GBF1: variants seen among roughly 807,000 people sequenced by gnomAD.
The protein encoded by GBF1 is golgi brefeldin A resistant guanine nucleotide exchange factor 1.
GBF1 carries 114 observed loss-of-function variants against 210.5 expected under a neutral mutation model. That is an observed-to-expected ratio of 0.54 (90% CI 0.47 to 0.63). The LOEUF is 0.63. Ranked by LOEUF, GBF1 falls within the 30% of genes least tolerant of loss-of-function variation. The pLI, the probability that GBF1 is intolerant of heterozygous loss-of-function variation, is 0.00. For missense variants in GBF1, 1,851 were observed against 2,357.7 expected, an observed-to-expected ratio of 0.79 and a Z score of 4.45; for synonymous variants, 850 against 889.2, an observed-to-expected ratio of 0.96 and a Z score of 0.78.
the GBF1 span, among the ~76,000 whole-genome samples, chr10:102,235,179 A>AC: frequency 2.5e-4 from 24 of 97,396 alleles, 2 homozygotes; most frequent in Middle Eastern, 4.8e-3. Flanking sequence ...CCCACCCCCC[A>AC]CCCCCCCACC....
At position 102,302,223 on chromosome 10, in the gene GBF1, C is replaced by T. The variant is rs1404791865; in HGVS notation, c.164-41828C>T. 3.3e-5 allele frequency among the ~76,000 whole-genome samples: 5 copies of T among 152,296 alleles called. 1 individual carries two copies. The highest frequency in any genetic ancestry group is 1.3e-4 in the Admixed American group (2 of 15,302). ...GAGCCGAGATGGCGGGAGTACAGTC[C>T]AGCTTCGGCTTGGCATCAGAGGGAG... On this transcript the variant is annotated intron_variant, in intron 3 of 39. Coordinates refer to ENST00000369983, the MANE Select transcript of GBF1 (RefSeq NM_001377137.1).
intron 8 of GBF1, among the ~76,000 whole-genome samples, chr10:102,356,160 TC>T: frequency 6.6e-6 from 1 of 152,286 alleles, no homozygotes; most frequent in East Asian, 1.9e-4. Flanking sequence ...TTGTGTGGTT[TC>T]TAAGCAAGGA....
chr10:102,253,471 T>C (rs1419481306), intron 1 of GBF1, among the ~76,000 whole-genome samples: 1 of 152,208 alleles, frequency 6.6e-6, no homozygotes, highest in Non-Finnish European at 1.5e-5. Context: ...TCATATTAAT[T>C]TAGATACATA....
intron 33 of GBF1, 71 bp downstream of exon 33, chr10:102,377,211 A>G: frequency 7.6e-7 from 1 of 1,310,310 alleles, no homozygotes. Context: ...GGCCAGGGAA[A>G]GCCAGGGCTG....
chr10:102,336,077 A>G (rs2057710279), intron 3 of GBF1, among the ~76,000 whole-genome samples: 1 of 152,050 alleles, frequency 6.6e-6, no homozygotes, highest in Non-Finnish European at 1.5e-5. Flanking sequence ...CGAGGCAGGC[A>G]GATCACAAGG....
At chr10:102,297,747 T>G (rs1209118417) in intron 3 of GBF1, among the ~76,000 whole-genome samples, 1 of 152,196 alleles carries the variant, frequency 6.6e-6, no homozygotes, top group African/African-American at 2.4e-5. Context: ...CCCTTTGAAG[T>G]ATACTCTGTT....
At chr10:102,260,002 T>C in intron 2 of GBF1, 48 bp from the exon 3 acceptor site, 1 of 992,594 alleles carries the variant, frequency 1.0e-6, no homozygotes, top group Non-Finnish European at 1.6e-6. Flanking sequence ...ATTTTCCTTT[T>C]CCTCTTTTGG....
At chr10:102,287,919 T>A (rs2076098512) in intron 3 of GBF1, among the ~76,000 whole-genome samples, 1 of 152,178 alleles carries the variant, frequency 6.6e-6, no homozygotes, top group African/African-American at 2.4e-5. Context: ...TTTTAGATGT[T>A]CACTGGGACT....
intron 14 of GBF1, 128 bp from the exon 15 acceptor site, chr10:102,362,347 C>T (rs2059664879): frequency 7.3e-6 from 5 of 684,410 alleles, no homozygotes; most frequent in South Asian, 3.8e-5. Flanking sequence ...TGAGCCACCA[C>T]GCCCGGCCAG....
rs190475348 is a variant in GBF1, at chr10:102,286,969, T to G, written c.163+26853T>G. 3.9e-3 allele frequency among the ~76,000 whole-genome samples: 596 copies of G among 152,296 alleles called. 1 individual carries two copies. The highest frequency in any genetic ancestry group is 0.024 in the Middle Eastern group (7 of 294). ...CTGGGAGGGGACTGTGTTGGACTCT[T>G]CTGATGGGGCCTTTTTGGCTGTGAC... On this transcript the variant is annotated intron_variant, in intron 3 of 39. Transcript: ENST00000369983.
At chr10:102,342,859 G>A (rs1006580711) in intron 3 of GBF1, among the ~76,000 whole-genome samples, 1 of 152,170 alleles carries the variant, frequency 6.6e-6, no homozygotes, top group Non-Finnish European at 1.5e-5. Context: ...TAAGTACAGT[G>A]TAGTATTCTT....
intron 3 of GBF1, among the ~76,000 whole-genome samples, chr10:102,318,035 A>G (rs1239809248): frequency 6.6e-6 from 1 of 151,986 alleles, no homozygotes; most frequent in Non-Finnish European, 1.5e-5. Context: ...CAGCCTCCCA[A>G]ATAGCTGGGA....
chr10:102,331,106 A>G (rs1360456837), intron 3 of GBF1, among the ~76,000 whole-genome samples: 1 of 152,128 alleles, frequency 6.6e-6, no homozygotes, highest in African/African-American at 2.4e-5. Context: ...GACCCTGAAA[A>G]AATATATCCT....
intron 17 of GBF1, 85 bp from the exon 18 acceptor site, chr10:102,365,312 G>T: frequency 1.0e-6 from 1 of 968,012 alleles, no homozygotes; most frequent in Non-Finnish European, 1.6e-6. Context: ...CTGACCAACT[G>T]TGGGTGGGCT....
intron 15 of GBF1, 93 bp downstream of exon 15, chr10:102,362,757 C>T (rs1268739569): frequency 1.8e-5 from 16 of 890,970 alleles, no homozygotes; most frequent in Non-Finnish European, 5.3e-6. Flanking sequence ...ATATCACTTC[C>T]CCTGGGATGC....
At chr10:102,299,712 G>T (rs2077184526) in intron 3 of GBF1, among the ~76,000 whole-genome samples, 1 of 152,144 alleles carries the variant, frequency 6.6e-6, no homozygotes, top group African/African-American at 2.4e-5. Context: ...AACCCGGGAG[G>T]TGGAGGGGTT....
intron 3 of GBF1, among the ~76,000 whole-genome samples, chr10:102,334,203 G>A (rs2057553713): frequency 2.0e-5 from 3 of 152,176 alleles, no homozygotes; most frequent in Non-Finnish European, 4.4e-5. Context: ...CATTTCTGAA[G>A]CCAAATGGTG....
intron 3 of GBF1, among the ~76,000 whole-genome samples, chr10:102,338,237 C>CTTTTTTTTTTTT (rs398046214): frequency 3.5e-5 from 4 of 114,166 alleles, no homozygotes; most frequent in African/African-American, 1.4e-4. Context: ...CAACCTTCTT[C>CTTTTTTTTTTTT]TTTTTTTTTT....
At chr10:102,280,152 G>A (rs1014534006) in intron 3 of GBF1, among the ~76,000 whole-genome samples, 4 of 151,880 alleles carry the variant, frequency 2.6e-5, no homozygotes, top group Non-Finnish European at 5.9e-5. Context: ...GAGAGAGAGA[G>A]AAATAAGTAG....
Sources: gnomAD v4.1 joint callset for allele counts (sites outside exome capture counted in the v4.1 genomes callset) on GRCh38, gnomAD v4.1.1 for gene constraint, MANE v1.5 for transcripts, NCBI Gene and HGNC (gene_info 2026-07-23, HGNC 2026-07-21) for gene names.